The following AFP variants were observed in gnomAD, a reference collection of about 807,000 sequenced individuals.
AFP encodes alpha-fetoprotein.
AFP carries 64 observed loss-of-function variants against 78.9 expected under a neutral mutation model. That is an observed-to-expected ratio of 0.81 (90% confidence interval 0.66 to 1.00). The LOEUF is 1.00. Among genes scored for constraint, AFP ranks in the 50% least tolerant of loss-of-function variants. The pLI is 0.00. For synonymous variants in AFP, 254 were observed against 243.8 expected (o/e 1.04, Z -0.39); for missense variants, 689 against 703.8 (o/e 0.98, Z 0.24).
At chr4:73,451,389 A>G (rs998893803) in intron 11 of AFP, among the ~76,000 whole-genome samples, 1 of 152,236 alleles carries the variant, frequency 6.6e-6, no homozygotes, top group Non-Finnish European at 1.5e-5. Context: ...CTATAAAGTC[A>G]TAATTGCAAA....
chr4:73,438,687 G>T (rs1336480838), intron 3 of AFP, among the ~76,000 whole-genome samples: 1 of 152,014 alleles, frequency 6.6e-6, no homozygotes, highest in African/African-American at 2.4e-5. Flanking sequence ...CACACAATGT[G>T]ACTGGCATTA....
Position 73,450,753 on chromosome 4 carries a change from G to C in AFP, c.1428G>C (p.Ala476=), listed in dbSNP as rs772087967. ...EDKLLACGEG[A]ADIIIGHLCI... The stretch of plus-strand genomic sequence containing the variant: ...AACTATTGGCCTGTGGCGAGGGAGC[G>C]GTGAGTGTCTGCTTGGTTTGGTCCC... Residue 476 remains alanine, a splice_region_variant and synonymous_variant, in exon 11 of 15, where the codon GCG becomes GCC. Transcript: ENST00000395792. 29 of 1,614,004 alleles carry C rather than the reference G, an allele frequency of 1.8e-5. No individual in the cohort carries two copies. Among genetic ancestry groups the C allele is most frequent in the Non-Finnish European group, 2.4e-5 (28 of 1,179,990 alleles).
At chr4:73,443,097 G>A (rs954156605) in intron 5 of AFP, among the ~76,000 whole-genome samples, 1 of 152,092 alleles carries the variant, frequency 6.6e-6, no homozygotes, top group African/African-American at 2.4e-5. Context: ...ATGATCCCCA[G>A]TATAAAAGTT....
intron 6 of AFP, among the ~76,000 whole-genome samples, chr4:73,444,339 A>G (rs2149334409): frequency 6.6e-6 from 1 of 152,344 alleles, no homozygotes; most frequent in African/African-American, 2.4e-5. Context: ...GTGAAAGCTA[A>G]GTGGTCTAAA....
In AFP at chr4:73,452,517, G is replaced by C; in HGVS notation, c.1545G>C (p.Leu515Phe). 6.2e-7 allele frequency: 1 copy of C among 1,614,054 alleles called. No individual in the cohort carries two copies. The highest frequency in any genetic ancestry group is 8.5e-7 in the Non-Finnish European group (1 of 1,179,954). Residue 515 changes from leucine (L) to phenylalanine (F), a missense_variant, in exon 12 of 15, where the codon TTG becomes TTC. Coordinates refer to ENST00000395792, the MANE Select transcript of AFP (RefSeq NM_001134.3). ...YANRRPCFSS[L>F]VVDETYVPPA... The stretch of plus-strand genomic sequence containing the variant: ...ACAGGAGGCCATGCTTCAGCAGCTT[G>C]GTGGTGGATGAAACATATGTCCCTC...
At chr4:73,453,070 T>G (rs1196238114) in intron 12 of AFP, among the ~76,000 whole-genome samples, 1 of 152,212 alleles carries the variant, frequency 6.6e-6, no homozygotes, top group Non-Finnish European at 1.5e-5. Flanking sequence ...AGAAATGACA[T>G]GTACATTTCA....
At chr4:73,436,605 A>G (rs1719512347) in intron 1 of AFP, among the ~76,000 whole-genome samples, 1 of 151,602 alleles carries the variant, frequency 6.6e-6, no homozygotes, top group Admixed American at 6.6e-5. Context: ...TGGTATGCAT[A>G]TTAACTTTGA....
intron 7 of AFP, 103 bp from the exon 8 acceptor site, chr4:73,447,359 C>T (rs1719860236): frequency 2.7e-6 from 2 of 744,000 alleles, no homozygotes; most frequent in South Asian, 2.4e-5. Context: ...TTCTTTGTTC[C>T]CTTCTCCCTC....
In AFP at chr4:73,438,251, C is replaced by T. The variant is rs750671806; in HGVS notation, c.215C>T (p.Thr72Ile). The change falls in exon 3 of 15, where the codon ACT becomes ATT. Residue 72 changes from threonine to isoleucine, a missense_variant. By Grantham distance (89) the Thr-to-Ile change is moderately conservative. Coordinates refer to ENST00000395792, the MANE Select transcript of AFP (RefSeq NM_001134.3). Reference protein sequence around the residue: ...EVSKMVKDALTAIEKPTGDEQ... With the variant: ...EVSKMVKDALIAIEKPTGDEQ... ...AGCAAAATGGTGAAAGATGCATTGA[C>T]TGCAATTGAGAAACCCACTGGAGAT... 1 of 1,613,422 alleles carries T rather than the reference C, an allele frequency of 6.2e-7. No homozygotes were observed. Among genetic ancestry groups the T allele is most frequent in the Admixed American group, 1.7e-5 (1 of 59,986 alleles).
At chr4:73,441,879 C>T (rs1455299467) in intron 4 of AFP, among the ~76,000 whole-genome samples, 1 of 152,142 alleles carries the variant, frequency 6.6e-6, no homozygotes, top group African/African-American at 2.4e-5. Flanking sequence ...TCTGCTATGG[C>T]GACTATCCAG....
Position 73,452,769 on chromosome 4 carries a change from G to C in AFP, c.1652+145G>C. On this transcript the variant is annotated intron_variant, in intron 12 of 14. Coordinates refer to ENST00000395792, the MANE Select transcript of AFP (RefSeq NM_001134.3). ...TTAAAATGCCTTTGAAAATAGTTTT[G>C]TCTCAGTGTCTTCACAGTCTCATTG... 5.3e-6 allele frequency: 4 copies of C among 748,310 alleles called. No homozygotes were observed. The South Asian group carries it at 6.1e-5, about 11-fold the overall frequency. The allele number at this position is 748,310 out of a possible 1,614,324, so 46.4% of individuals were successfully genotyped here.
At chr4:73,449,021 C>T (rs564588375) in intron 8 of AFP, among the ~76,000 whole-genome samples, 59 of 152,116 alleles carry the variant, frequency 3.9e-4, no homozygotes, top group Middle Eastern at 3.4e-3. Context: ...GTCCGTTCTG[C>T]TTAAAGCAAT....
In AFP at chr4:73,450,686, T is replaced by C; in HGVS notation, c.1361T>C (p.Met454Thr). Reference sequence around the variant, plus strand: ...GAGCTGATGGCCATCACCAGAAAAATGGCAGCCACAGCAGCCACTTGTTGC... The same window carrying C: ...GAGCTGATGGCCATCACCAGAAAAACGGCAGCCACAGCAGCCACTTGTTGC... The part of the protein sequence containing the change: ...SSELMAITRK[M>T]AATAATCCQL... Residue 454 changes from methionine to threonine, a missense_variant, in exon 11 of 15, where the codon ATG (methionine) becomes ACG (threonine). Coordinates refer to ENST00000395792, the MANE Select transcript of AFP (RefSeq NM_001134.3). 1 of 1,614,020 alleles carries C rather than the reference T, an allele frequency of 6.2e-7. No homozygotes were observed. Among genetic ancestry groups the C allele is most frequent in the Non-Finnish European group, 8.5e-7 (1 of 1,179,984 alleles).
chr4:73,440,121 C>T (rs987809325), intron 3 of AFP, among the ~76,000 whole-genome samples: 4 of 151,992 alleles, frequency 2.6e-5, no homozygotes, highest in African/African-American at 7.2e-5. Flanking sequence ...TAGGTAAACA[C>T]GTGGCATGGT....
intron 11 of AFP, among the ~76,000 whole-genome samples, chr4:73,451,159 A>G (rs1719980975): frequency 6.6e-6 from 1 of 152,190 alleles, no homozygotes; most frequent in Non-Finnish European, 1.5e-5. Context: ...TAGTCATGCT[A>G]TTTTAGCCAT....
intron 12 of AFP, chr4:73,453,562 C>T: frequency 1.7e-6 from 1 of 601,150 alleles, no homozygotes; most frequent in Non-Finnish European, 2.9e-6. Flanking sequence ...ACAACCTGCA[C>T]AACTCCAGGC....
At position 73,445,199 on chromosome 4, in the gene AFP, G is replaced by A. The variant is rs894535023; in HGVS notation, c.843+77G>A. On this transcript the variant is annotated intron_variant, in intron 7 of 14. Coordinates refer to ENST00000395792, the MANE Select transcript of AFP (RefSeq NM_001134.3). ...TTTTGTCTCATTCTAAAAGGGAGAAGGTTGTTTGACTTGAATTGGTTACAG... is the reference window on the plus strand; with the variant it reads ...TTTTGTCTCATTCTAAAAGGGAGAAAGTTGTTTGACTTGAATTGGTTACAG... 5 of 1,572,190 alleles carry A rather than the reference G, an allele frequency of 3.2e-6. No homozygotes were observed. The East Asian group carries it at 6.8e-5, about 21-fold the overall frequency.
chr4:73,438,609 TA>T (rs1719578099), intron 3 of AFP, among the ~76,000 whole-genome samples: 1 of 152,166 alleles, frequency 6.6e-6, no homozygotes, highest in Non-Finnish European at 1.5e-5. Context: ...TAAGGGATGA[TA>T]ATAGCTCCCA....
chr4:73,449,821 G>A (rs1378958979), intron 9 of AFP, among the ~76,000 whole-genome samples: 2 of 152,146 alleles, frequency 1.3e-5, no homozygotes, highest in Non-Finnish European at 2.9e-5. Context: ...CAAAGATTGA[G>A]TTTTGCCATT....
Sources: gnomAD v4.1 joint callset for allele counts (sites outside exome capture counted in the v4.1 genomes callset) on GRCh38, gnomAD v4.1.1 for gene constraint, MANE v1.5 for transcripts, NCBI Gene and HGNC (gene_info 2026-07-23, HGNC 2026-07-21) for gene names.